Variants in CTNNA2 observed in about 807,000 individuals in gnomAD.
The protein encoded by CTNNA2 is catenin alpha-2.
Under a neutral mutation model 101.0 loss-of-function variants are expected in CTNNA2, and 42 were observed. That is an observed-to-expected ratio of 0.42 (90% CI 0.32 to 0.54). The LOEUF is 0.54. Among genes scored for constraint, CTNNA2 ranks in the 20% least tolerant of loss-of-function variants. CTNNA2 has a pLI of 0.14. For synonymous variants in CTNNA2, 450 were observed against 456.4 expected (o/e 0.99, Z 0.18); for missense variants, 871 against 1,223.1 (o/e 0.71, Z 4.29).
intron 9 of CTNNA2, among the ~76,000 whole-genome samples, chr2:80,457,415 G>A (rs1684076114): frequency 1.3e-5 from 2 of 151,894 alleles, no homozygotes; most frequent in Non-Finnish European, 2.9e-5. Flanking sequence ...ATAACATACT[G>A]TACCTCATAA....
chr2:79,660,942 C>CA (rs1316717279), intron 2 of CTNNA2, among the ~76,000 whole-genome samples: 1 of 152,058 alleles, frequency 6.6e-6, no homozygotes, highest in Non-Finnish European at 1.5e-5. Flanking sequence ...AAAATAAGTA[C>CA]AAAAAATACA....
chr2:79,690,295 A>G (rs1317167013), intron 2 of CTNNA2, among the ~76,000 whole-genome samples: 1 of 152,102 alleles, frequency 6.6e-6, no homozygotes, highest in African/African-American at 2.4e-5. Flanking sequence ...GAATTATTGG[A>G]ACACTGAAAA....
intron 2 of CTNNA2, among the ~76,000 whole-genome samples, chr2:79,214,635 G>T (rs1343871353): frequency 6.6e-6 from 1 of 152,048 alleles, no homozygotes; most frequent in African/African-American, 2.4e-5. Context: ...GCCAGGGAAG[G>T]AGTAGAGATG....
At chr2:79,843,668 C>T (rs894662474) in intron 3 of CTNNA2, among the ~76,000 whole-genome samples, 1 of 152,136 alleles carries the variant, frequency 6.6e-6, no homozygotes, top group Non-Finnish European at 1.5e-5. Flanking sequence ...ATTTTCTTAC[C>T]CAGCCATACC....
At chr2:80,191,548 C>T (rs1330554468) in intron 7 of CTNNA2, among the ~76,000 whole-genome samples, 1 of 152,160 alleles carries the variant, frequency 6.6e-6, no homozygotes, top group African/African-American at 2.4e-5. Context: ...TTTCTTCACT[C>T]CTCACTGGTT....
intron 3 of CTNNA2, among the ~76,000 whole-genome samples, chr2:79,325,540 TGTCC>T (rs1293263260): frequency 3.3e-5 from 5 of 152,230 alleles, no homozygotes; most frequent in Non-Finnish European, 5.9e-5. Context: ...AGATAGTCAC[TGTCC>T]CAGGTAAAAT....
At chr2:79,546,834 A>G (rs1673761937) in intron 1 of CTNNA2, among the ~76,000 whole-genome samples, 2 of 152,256 alleles carry the variant, frequency 1.3e-5, no homozygotes, top group South Asian at 4.1e-4. Context: ...TCTCCCTACA[A>G]TAGCATTTTT....
intron 7 of CTNNA2, among the ~76,000 whole-genome samples, chr2:80,038,313 TA>T (rs1695798650): frequency 4.0e-5 from 6 of 151,242 alleles, no homozygotes; most frequent in African/African-American, 1.5e-4. Context: ...TTTTTATAAT[TA>T]AAGAAAAAAA....
At chr2:80,522,943 G>C (rs376479218) in intron 9 of CTNNA2, among the ~76,000 whole-genome samples, 17 of 152,154 alleles carry the variant, frequency 1.1e-4, no homozygotes, top group Admixed American at 1.0e-3. Flanking sequence ...GGGTCCTGTG[G>C]TGCATATGTT....
intron 9 of CTNNA2, among the ~76,000 whole-genome samples, chr2:80,425,223 C>T (rs1381800035): frequency 6.6e-6 from 1 of 152,272 alleles, no homozygotes; most frequent in Non-Finnish European, 1.5e-5. Flanking sequence ...TCTAGTGGTT[C>T]TCAGCAGGCA....
intron 4 of CTNNA2, among the ~76,000 whole-genome samples, chr2:79,404,087 A>G (rs1678316318): frequency 6.6e-6 from 1 of 151,854 alleles, no homozygotes; most frequent in South Asian, 2.1e-4. Flanking sequence ...ACTCACATAC[A>G]GTTGCTTTCA....
chr2:80,416,952 G>T (rs921728789), intron 8 of CTNNA2, among the ~76,000 whole-genome samples: 22 of 151,960 alleles, frequency 1.4e-4, no homozygotes, highest in South Asian at 8.3e-4. Flanking sequence ...CTATTAAAAA[G>T]TCTGGTGATA....
intron 7 of CTNNA2, among the ~76,000 whole-genome samples, chr2:80,253,441 C>T (rs1671912418): frequency 2.0e-5 from 3 of 152,064 alleles, no homozygotes; most frequent in Non-Finnish European, 2.9e-5. Flanking sequence ...AACTTTTGAA[C>T]CTTTGTGGTG....
chr2:79,673,336 T>C (rs1682972321), intron 2 of CTNNA2, among the ~76,000 whole-genome samples: 1 of 152,166 alleles, frequency 6.6e-6, no homozygotes, highest in Non-Finnish European at 1.5e-5. Flanking sequence ...TGATATATTA[T>C]AAATACATTT....
chr2:80,159,673 C>T (rs1573255399), intron 7 of CTNNA2, among the ~76,000 whole-genome samples: 1 of 152,142 alleles, frequency 6.6e-6, no homozygotes, highest in East Asian at 1.9e-4. Flanking sequence ...GGGATTTCAC[C>T]ATGTTGGTCA....
At chr2:80,421,070 A>G (rs1335215544) in intron 9 of CTNNA2, among the ~76,000 whole-genome samples, 1 of 152,224 alleles carries the variant, frequency 6.6e-6, no homozygotes, top group East Asian at 1.9e-4. Flanking sequence ...TGACCTTGGA[A>G]GCTCTGATCA....
intron 3 of CTNNA2, among the ~76,000 whole-genome samples, chr2:79,344,032 G>A (rs910983643): frequency 5.9e-5 from 9 of 152,208 alleles, no homozygotes; most frequent in East Asian, 1.9e-4. Flanking sequence ...TATGTAGGAC[G>A]CCGAGCCCTG....
intron 2 of CTNNA2, among the ~76,000 whole-genome samples, chr2:79,303,308 G>A (rs1558615612): frequency 6.6e-6 from 1 of 152,026 alleles, no homozygotes; most frequent in Non-Finnish European, 1.5e-5. Context: ...GCTATCCCAG[G>A]GACACCCCGA....
At chr2:79,770,961 CAGTT>C (rs1489005085) in intron 3 of CTNNA2, among the ~76,000 whole-genome samples, 1 of 152,174 alleles carries the variant, frequency 6.6e-6, no homozygotes, top group Non-Finnish European at 1.5e-5. Flanking sequence ...CCAGGTAACA[CAGTT>C]AGTGGCAAAT....
Sources: allele counts gnomAD v4.1 joint callset (sites outside exome capture counted in the v4.1 genomes callset), GRCh38; gene constraint gnomAD v4.1.1; transcripts MANE v1.5; gene names NCBI Gene and HGNC (gene_info 2026-07-23, HGNC 2026-07-21).